The following GAS2L3 variants were observed in gnomAD, a reference collection of about 807,000 sequenced individuals.
GAS2L3 encodes growth arrest specific 2 like 3, also known as GAS2-like protein 3.
In GAS2L3, 28 loss-of-function variants were observed where a neutral mutation model predicts 37.0. The ratio of observed to expected loss-of-function variants is 0.76; its 90% CI spans 0.56 to 1.04. The LOEUF is 1.04. GAS2L3 is among the 50% of genes least tolerant of loss of function. The probability of loss-of-function intolerance (pLI) is 0.00; values close to 1 mark genes in which losing one functional copy is unlikely to be tolerated. For missense variants in GAS2L3, 793 were observed against 817.6 expected (o/e 0.97, Z 0.37); for synonymous variants, 290 against 296.6 (o/e 0.98, Z 0.23).
At position 100,623,488 on chromosome 12, in the gene GAS2L3, T is replaced by C. The variant is rs1013676829; in HGVS notation, c.757-74T>C. 8.1e-6 allele frequency: 11 copies of C among 1,356,298 alleles called. No homozygotes were observed. The African/African-American group carries it at 1.5e-4, about 18-fold the overall frequency. The allele number at this position is 1,356,298 out of a possible 1,614,324, so 84.0% of individuals were successfully genotyped here. ...TTTATAGATCACAGACATCACATATTGTAACTGCTAATGAATTGTAACTAT... is the reference window on the plus strand; with the variant it reads ...TTTATAGATCACAGACATCACATATCGTAACTGCTAATGAATTGTAACTAT... On this transcript the variant is annotated intron_variant, in intron 9 of 9. Coordinates refer to ENST00000547754, the MANE Select transcript of GAS2L3 (RefSeq NM_174942.3).
chr12:100,597,979 T>C (rs191636759), intron 3 of GAS2L3, among the ~76,000 whole-genome samples: 1 of 152,070 alleles, frequency 6.6e-6, no homozygotes, highest in African/African-American at 2.4e-5. Context: ...TAAAAAAAAA[T>C]TTTAAAGCCA....
chr12:100,603,720 A>C (rs1312502065), intron 5 of GAS2L3, among the ~76,000 whole-genome samples: 1 of 152,096 alleles, frequency 6.6e-6, no homozygotes, highest in East Asian at 1.9e-4. Flanking sequence ...AATATCCTGG[A>C]GAGTTTTCCC....
intron 1 of GAS2L3, among the ~76,000 whole-genome samples, chr12:100,582,076 A>G (rs1410748930): frequency 6.6e-6 from 1 of 152,254 alleles, no homozygotes; most frequent in Non-Finnish European, 1.5e-5. Flanking sequence ...TGAGCAAGAA[A>G]GCTTTTCAAT....
intron 1 of GAS2L3, among the ~76,000 whole-genome samples, chr12:100,581,778 T>A (rs1174160133): frequency 6.6e-6 from 1 of 152,214 alleles, no homozygotes; most frequent in African/African-American, 2.4e-5. Context: ...TGAGAAACTA[T>A]AACATTATTT....
intron 1 of GAS2L3, chr12:100,579,948 G>A (rs1955689165): frequency 2.5e-6 from 2 of 786,632 alleles, no homozygotes; most frequent in Non-Finnish European, 4.7e-6. Context: ...CCAAGTATCA[G>A]TGGAATCTGT....
intron 1 of GAS2L3, among the ~76,000 whole-genome samples, chr12:100,583,957 G>A (rs550224455): frequency 6.6e-6 from 1 of 152,316 alleles, no homozygotes; most frequent in South Asian, 2.1e-4. Flanking sequence ...TCCCCCGGCA[G>A]ATGCTGTTCA....
chr12:100,578,748 C>CT, intron 1 of GAS2L3: 1 of 529,724 alleles, frequency 1.9e-6, no homozygotes, highest in Admixed American at 2.6e-5. Context: ...CTCAGCATGG[C>CT]GTATAAAGGA....
In GAS2L3 at chr12:100,624,823, C is replaced by G. The variant is rs150300865; in HGVS notation, c.2018C>G (p.Thr673Ser). 1 of 1,612,022 alleles carries G rather than the reference C, an allele frequency of 6.2e-7. No individual in the cohort carries two copies. Among genetic ancestry groups the G allele is most frequent in the Non-Finnish European group, 8.5e-7 (1 of 1,179,026 alleles). Residue 673 changes from threonine to serine, a missense_variant, in exon 10 of 10, where the codon ACT (threonine) becomes AGT (serine). By Grantham distance (58) the Thr-to-Ser change is moderately conservative (BLOSUM62 1). Coordinates refer to ENST00000547754, the MANE Select transcript of GAS2L3 (RefSeq NM_174942.3). Reference protein sequence around the residue: ...KDADSGDKKPTAKKKEDDDHY... With the variant: ...KDADSGDKKPSAKKKEDDDHY... Reference sequence around the variant, plus strand: ...GCAGATAGTGGAGATAAAAAACCTACTGCAAAGAAAAAGGAAGATGATGAC... The same window carrying G: ...GCAGATAGTGGAGATAAAAAACCTAGTGCAAAGAAAAAGGAAGATGATGAC...
intron 6 of GAS2L3, among the ~76,000 whole-genome samples, chr12:100,617,438 G>A (rs963567881): frequency 5.9e-5 from 9 of 152,080 alleles, no homozygotes; most frequent in South Asian, 2.1e-4. Context: ...TCTTTTAATG[G>A]TATCTCTTGT....
intron 5 of GAS2L3, among the ~76,000 whole-genome samples, chr12:100,609,383 C>A (rs1956098594): frequency 6.6e-6 from 1 of 152,198 alleles, no homozygotes; most frequent in Non-Finnish European, 1.5e-5. Context: ...GTGATGAATC[C>A]TGCCAGGTCA....
At chr12:100,601,249 A>C (rs1003442426) in intron 4 of GAS2L3, among the ~76,000 whole-genome samples, 3 of 152,162 alleles carry the variant, frequency 2.0e-5, no homozygotes, top group African/African-American at 7.2e-5. Context: ...TTTTTAAAGA[A>C]GACATTCTAG....
intron 4 of GAS2L3, 96 bp downstream of exon 4, chr12:100,600,646 C>A: frequency 2.1e-6 from 2 of 956,354 alleles, no homozygotes; most frequent in Non-Finnish European, 3.3e-6. Flanking sequence ...GTTACAGATG[C>A]TGGGGATACT....
At position 100,591,716 on chromosome 12, in the gene GAS2L3, G is replaced by A. The variant is rs1311623335; in HGVS notation, c.-151-20G>A. 1 of 152,032 alleles carries A rather than the reference G, an allele frequency of 6.6e-6. No individual in the cohort carries two copies. The highest frequency in any genetic ancestry group is 2.1e-4 in the South Asian group (1 of 4,824). The allele number at this position is 152,032 out of a possible 1,614,324, so 9.4% of individuals were successfully genotyped here. ...TTTACAGCAGCCATAAGAAGGAAAT[G>A]GTCATATTTCATTTTACAGATCAGA... On this transcript the variant is annotated intron_variant, in intron 1 of 9. Transcript: ENST00000547754.
intron 2 of GAS2L3, 123 bp from the exon 3 acceptor site, chr12:100,594,752 A>C (rs150967420): frequency 5.3e-6 from 2 of 376,598 alleles, no homozygotes; most frequent in Non-Finnish European, 1.0e-5. Flanking sequence ...TTTTCTAACT[A>C]GAAGAAAAAG....
At chr12:100,579,217 A>G in intron 1 of GAS2L3, 1 of 616,154 alleles carries the variant, frequency 1.6e-6, no homozygotes, top group Non-Finnish European at 3.0e-6. Flanking sequence ...CCCTTTCTGG[A>G]TTTGCTAAGG....
At chr12:100,601,195 C>T (rs1955984283) in intron 4 of GAS2L3, among the ~76,000 whole-genome samples, 1 of 151,968 alleles carries the variant, frequency 6.6e-6, no homozygotes, top group East Asian at 1.9e-4. Context: ...TGTCTATTAT[C>T]AGTTTGATGG....
At chr12:100,577,134 T>A (rs1244904779) in intron 1 of GAS2L3, among the ~76,000 whole-genome samples, 1 of 152,236 alleles carries the variant, frequency 6.6e-6, no homozygotes, top group Non-Finnish European at 1.5e-5. Flanking sequence ...TATACTGTTC[T>A]ACAGGTTGCT....
At chr12:100,620,189 T>G (rs1421698666) in intron 8 of GAS2L3, among the ~76,000 whole-genome samples, 1 of 151,950 alleles carries the variant, frequency 6.6e-6, no homozygotes, top group Non-Finnish European at 1.5e-5. Flanking sequence ...GTAAATACCC[T>G]CAAATAGGGC....
At chr12:100,577,548 A>C (rs944296577) in intron 1 of GAS2L3, among the ~76,000 whole-genome samples, 2 of 152,212 alleles carry the variant, frequency 1.3e-5, no homozygotes, top group African/African-American at 4.8e-5. Flanking sequence ...GTTTTATTAA[A>C]CTGTAAACAT....
Sources: gnomAD v4.1 joint callset for allele counts (sites outside exome capture counted in the v4.1 genomes callset) on GRCh38, gnomAD v4.1.1 for gene constraint, MANE v1.5 for transcripts, NCBI Gene and HGNC (gene_info 2026-07-23, HGNC 2026-07-21) for gene names.